Variants in COG5 observed in about 807,000 individuals in gnomAD.
COG5 encodes component of oligomeric golgi complex 5, also known as conserved oligomeric Golgi complex subunit 5.
Under a neutral mutation model 110.4 loss-of-function variants are expected in COG5, and 86 were observed. That is an observed-to-expected ratio of 0.78 (90% CI 0.65 to 0.93). The LOEUF (loss-of-function observed/expected upper bound fraction) is 0.93, where lower values mean the gene tolerates loss of function less well. Among genes scored for constraint, COG5 ranks in the 40% least tolerant of loss-of-function variants. The pLI is 0.00. For synonymous variants in COG5, 360 were observed against 334.6 expected, an observed-to-expected ratio of 1.08 and a Z score of -0.83; for missense variants, 1,077 against 987.0, an observed-to-expected ratio of 1.09 and a Z score of -1.22.
chr7:107,477,202 C>T lies in COG5; in HGVS notation c.538+50035G>A, dbSNP rs1409037349. Among the ~76,000 whole-genome samples the T allele has an allele frequency of 1.3e-5, 2 of 151,552 alleles. 1 individual carries two copies. Among genetic ancestry groups the T allele is most frequent in the Admixed American group, 1.3e-4 (2 of 15,190 alleles). On this transcript the variant is annotated intron_variant, in intron 6 of 21. Coordinates refer to ENST00000297135, the MANE Select transcript of COG5 (RefSeq NM_006348.5). ...GCTCCTAATCTTCTTTTATTTTTTA[C>T]CCCAGGAAATAAAACAAGCTCATTA...
At chr7:107,558,887 CA>C (rs1243505305) in intron 1 of COG5, among the ~76,000 whole-genome samples, 282 of 16,630 alleles carry the variant, frequency 0.017, no homozygotes, top group Middle Eastern at 0.053. Context: ...GACTCTGTCC[CA>C]AAAAAAAAAA....
chr7:107,526,171 A>T (rs1800721818), intron 6 of COG5, among the ~76,000 whole-genome samples: 1 of 152,238 alleles, frequency 6.6e-6, no homozygotes, highest in African/African-American at 2.4e-5. Context: ...AAAGCACAAT[A>T]GCAAGAGTAA....
At chr7:107,448,109 T>C (rs1352962649) in intron 6 of COG5, among the ~76,000 whole-genome samples, 1 of 152,100 alleles carries the variant, frequency 6.6e-6, no homozygotes, top group Non-Finnish European at 1.5e-5. Flanking sequence ...TGAGCCAAGA[T>C]CATGCCACTG....
intron 6 of COG5, among the ~76,000 whole-genome samples, chr7:107,481,276 T>G (rs760146394): frequency 5.3e-5 from 8 of 152,172 alleles, no homozygotes; most frequent in Non-Finnish European, 1.0e-4. Flanking sequence ...AGAGAGAAAG[T>G]GGCTAGCGAG....
chr7:107,266,077 TAC>T (rs1454760150), intron 14 of COG5, among the ~76,000 whole-genome samples: 1 of 151,764 alleles, frequency 6.6e-6, no homozygotes, highest in Non-Finnish European at 1.5e-5. Context: ...ATAATAATAA[TAC>T]ACACACACGT....
chr7:107,295,006 T>C (rs1562955463), intron 12 of COG5, among the ~76,000 whole-genome samples: 1 of 122,996 alleles, frequency 8.1e-6, no homozygotes, highest in African/African-American at 2.9e-5. Context: ...TACACATCTA[T>C]ATATACACAC....
intron 19 of COG5, among the ~76,000 whole-genome samples, chr7:107,225,179 T>C (rs1014975178): frequency 7.9e-5 from 12 of 152,306 alleles, no homozygotes; most frequent in Admixed American, 1.3e-4. Flanking sequence ...CTGCCCCTAA[T>C]TGGAACTGAG....
At chr7:107,369,313 C>T (rs912678277) in intron 8 of COG5, among the ~76,000 whole-genome samples, 3 of 151,824 alleles carry the variant, frequency 2.0e-5, no homozygotes, top group Non-Finnish European at 4.4e-5. Context: ...GTGTATTAAT[C>T]CCCTTAATAA....
chr7:107,459,808 A>AAT (rs1795880125), intron 6 of COG5, among the ~76,000 whole-genome samples: 1 of 151,652 alleles, frequency 6.6e-6, no homozygotes, highest in African/African-American at 2.4e-5. Context: ...GGAAAAAAAA[A>AAT]AAAAGTTAAT....
intron 7 of COG5, among the ~76,000 whole-genome samples, chr7:107,393,956 ATATT>A (rs1790804625): frequency 6.7e-6 from 1 of 149,418 alleles, no homozygotes; most frequent in African/African-American, 2.4e-5. Flanking sequence ...GGTAGAAAAG[ATATT>A]TATTATTATT....
rs138820301 is a variant in COG5, at chr7:107,372,721, T to C, written c.709A>G (p.Asn237Asp). Residue 237 changes from asparagine (N) to aspartate (D), a missense_variant, in exon 8 of 22, where the codon AAT (asparagine) becomes GAT (aspartate). Asn to Asp is a conservative substitution (Grantham distance 23, BLOSUM62 1). Transcript: ENST00000297135. ...QVGTALQVFY[N>D]LGTLKDTITS... is the part of the protein sequence containing the mutation. ...ATAGTATCCTTCAAAGTTCCAAGAT[T>C]ATAGAAAACCTGAAGAGCTGTTCCG... The C allele has an allele frequency of 5.6e-6, 9 of 1,613,486 alleles. No individual in the cohort carries two copies. The highest frequency in any genetic ancestry group is 5.0e-5 in the Admixed American group (3 of 59,966).
chr7:107,464,089 T>C (rs1796160490), intron 6 of COG5, among the ~76,000 whole-genome samples: 1 of 152,100 alleles, frequency 6.6e-6, no homozygotes, highest in South Asian at 2.1e-4. Context: ...GAGGTTAGAA[T>C]AGAGGGGGTA....
intron 14 of COG5, among the ~76,000 whole-genome samples, chr7:107,276,008 G>C (rs1804677199): frequency 6.6e-6 from 1 of 152,000 alleles, no homozygotes; most frequent in South Asian, 2.1e-4. Context: ...TTAGTGTCTA[G>C]AACTATTGAC....
intron 6 of COG5, among the ~76,000 whole-genome samples, chr7:107,487,805 C>G (rs1182599694): frequency 6.6e-6 from 1 of 151,756 alleles, no homozygotes; most frequent in Non-Finnish European, 1.5e-5. Flanking sequence ...TATCCAGCCA[C>G]TAAAATTATG....
At chr7:107,335,303 T>C (rs1810609719) in intron 10 of COG5, among the ~76,000 whole-genome samples, 1 of 152,142 alleles carries the variant, frequency 6.6e-6, no homozygotes, top group Non-Finnish European at 1.5e-5. Context: ...GGCAGGAGAA[T>C]CACTTGAACC....
At chr7:107,363,132 A>C (rs1813270073) in intron 8 of COG5, among the ~76,000 whole-genome samples, 1 of 152,200 alleles carries the variant, frequency 6.6e-6, no homozygotes, top group Non-Finnish European at 1.5e-5. Context: ...CGTAACAGGA[A>C]TCAGAGGTAT....
At chr7:107,279,801 T>C (rs1448599886) in intron 14 of COG5, among the ~76,000 whole-genome samples, 3 of 152,182 alleles carry the variant, frequency 2.0e-5, no homozygotes, top group Non-Finnish European at 2.9e-5. Flanking sequence ...AATGATTTTC[T>C]GTTAGCCTTC....
intron 20 of COG5, 85 bp from the exon 21 acceptor site, chr7:107,210,690 A>G (rs1799101235): frequency 7.1e-7 from 1 of 1,412,658 alleles, no homozygotes; most frequent in South Asian, 1.2e-5. Context: ...AGCACTCTCA[A>G]GTATTCCCAA....
At chr7:107,293,287 A>G (rs1806326180) in intron 12 of COG5, among the ~76,000 whole-genome samples, 1 of 152,100 alleles carries the variant, frequency 6.6e-6, no homozygotes, top group South Asian at 2.1e-4. Flanking sequence ...GCTTACCTGA[A>G]AGTTAGCCTC....
Sources: gnomAD v4.1 joint callset for allele counts (sites outside exome capture counted in the v4.1 genomes callset) on GRCh38, gnomAD v4.1.1 for gene constraint, MANE v1.5 for transcripts, NCBI Gene and HGNC (gene_info 2026-07-23, HGNC 2026-07-21) for gene names.